Variants in TSPAN15 observed in about 807,000 individuals in gnomAD.
TSPAN15 encodes the protein tetraspanin 15.
In TSPAN15, 20 loss-of-function variants were observed where a neutral mutation model predicts 34.5. The ratio of observed to expected loss-of-function variants is 0.58; its 90% confidence interval spans 0.41 to 0.84. TSPAN15 has a LOEUF of 0.84. Ranked by LOEUF, TSPAN15 falls within the 40% of genes least tolerant of loss-of-function variation. TSPAN15 has a pLI of 0.00. For synonymous variants in TSPAN15, 155 were observed against 153.9 expected, an observed-to-expected ratio of 1.01 and a Z score of -0.05; for missense variants, 313 against 386.1, an observed-to-expected ratio of 0.81 and a Z score of 1.59.
chr10:69,470,621 C>T (rs1487915604), intron 1 of TSPAN15, among the ~76,000 whole-genome samples: 1 of 152,128 alleles, frequency 6.6e-6, no homozygotes, highest in Non-Finnish European at 1.5e-5. Flanking sequence ...AGATCACAGC[C>T]AGGCATGGTG....
chr10:69,530,816 C>CTATATA, the TSPAN15 span, among the ~76,000 whole-genome samples: 3 of 52,410 alleles, frequency 5.7e-5, no homozygotes, highest in Non-Finnish European at 1.1e-4. Flanking sequence ...CTCTCTCTCT[C>CTATATA]TCTCTATATA....
the TSPAN15 span, among the ~76,000 whole-genome samples, chr10:69,548,921 G>T: frequency 2.7e-5 from 4 of 149,834 alleles, no homozygotes; most frequent in Non-Finnish European, 6.0e-5. Context: ...ATATTTCAAT[G>T]GTGGGGCTAA....
intron 1 of TSPAN15, among the ~76,000 whole-genome samples, chr10:69,456,429 CT>C (rs1841111463): frequency 6.6e-6 from 1 of 151,912 alleles, no homozygotes; most frequent in Non-Finnish European, 1.5e-5. Context: ...CTTTTTTTCC[CT>C]TTTTTAAAGT....
At chr10:69,533,274 T>C in the TSPAN15 span, among the ~76,000 whole-genome samples, 52 of 152,236 alleles carry the variant, frequency 3.4e-4, no homozygotes, top group African/African-American at 1.2e-3. Context: ...CAAATGCCCA[T>C]CAATCAATGA....
rs747180568 is a variant in TSPAN15 at position 69,451,699 on chromosome 10, C to T, written c.96+9C>T. ...ATTCCACCGTGTTCTGGGTGAGTGA[C>T]CCCAGTAGGGCCCGGGGATGGGGGT... On this transcript the variant is annotated intron_variant, in intron 1 of 7. Coordinates refer to ENST00000373290, the MANE Select transcript of TSPAN15 (RefSeq NM_012339.5). The T allele has an allele frequency of 1.4e-6, 2 of 1,480,356 alleles. No individual in the cohort carries two copies. The highest frequency in any genetic ancestry group is 1.4e-5 in the South Asian group (1 of 73,986). The allele number at this position is 1,480,356 out of a possible 1,614,324, so 91.7% of individuals were successfully genotyped here. A position where few individuals can be genotyped will look rare whatever the true frequency, so the allele number is the denominator to read the frequency against.
the TSPAN15 span, among the ~76,000 whole-genome samples, chr10:69,524,626 G>A: frequency 7.5e-6 from 1 of 133,232 alleles, no homozygotes; most frequent in African/African-American, 2.8e-5. Flanking sequence ...GCTACAAACA[G>A]AACTTGCAAA....
chr10:69,535,610 T>G, the TSPAN15 span, among the ~76,000 whole-genome samples: 1 of 152,202 alleles, frequency 6.6e-6, no homozygotes, highest in Non-Finnish European at 1.5e-5. Context: ...AAATAGAATA[T>G]CTGGTGTGAT....
chr10:69,505,020 G>A (rs776733300), intron 6 of TSPAN15, among the ~76,000 whole-genome samples: 35 of 152,156 alleles, frequency 2.3e-4, no homozygotes, highest in Non-Finnish European at 4.1e-4. Context: ...CATCCCCTAG[G>A]AATGTGAGAA....
intron 5 of TSPAN15, among the ~76,000 whole-genome samples, chr10:69,499,080 C>A (rs1842149202): frequency 6.6e-6 from 1 of 152,228 alleles, no homozygotes. Flanking sequence ...TCACCTTGGT[C>A]ATTTGGGATG....
chr10:69,484,063 A>G (rs940681403), intron 2 of TSPAN15, 187 bp downstream of exon 2: 1 of 542,388 alleles, frequency 1.8e-6, no homozygotes, highest in Non-Finnish European at 3.2e-6. Context: ...TCCTGCATGT[A>G]AAAGCTGATT....
chr10:69,525,798 G>A, the TSPAN15 span, among the ~76,000 whole-genome samples: 2 of 136,104 alleles, frequency 1.5e-5, 1 homozygote, highest in Non-Finnish European at 3.1e-5. Flanking sequence ...TCCAGCCTGG[G>A]AGACAGAGCA....
chr10:69,537,853 G>A, the TSPAN15 span, among the ~76,000 whole-genome samples: 1 of 152,012 alleles, frequency 6.6e-6, no homozygotes, highest in African/African-American at 2.4e-5. Context: ...GGTGGGGACT[G>A]GGAATTGTCT....
At chr10:69,530,458 A>G in the TSPAN15 span, among the ~76,000 whole-genome samples, 2 of 147,836 alleles carry the variant, frequency 1.4e-5, 1 homozygote, top group Non-Finnish European at 3.0e-5. Context: ...CCAAAATATT[A>G]TAGACCTAAA....
At chr10:69,494,383 C>T (rs1842033486) in intron 3 of TSPAN15, among the ~76,000 whole-genome samples, 2 of 152,224 alleles carry the variant, frequency 1.3e-5, no homozygotes, top group African/African-American at 2.4e-5. Context: ...TCCTGCTAAA[C>T]ACCTTCACAG....
In TSPAN15 at chr10:69,506,086, G is replaced by C. The variant is rs780264174; in HGVS notation, c.619-38G>C. On this transcript the variant is annotated intron_variant, in intron 6 of 7. Coordinates refer to ENST00000373290, the MANE Select transcript of TSPAN15 (RefSeq NM_012339.5). This position sits in a 1 kb window ranked among gnomAD's most constrained non-coding sequence, Gnocchi z 4.7. Reference sequence around the variant, plus strand: ...CGGGGCTGTGGCTCCTGCCAGCCGAGGTCCTCTGCTGGGCTGACCCAGCTC... The same window carrying C: ...CGGGGCTGTGGCTCCTGCCAGCCGACGTCCTCTGCTGGGCTGACCCAGCTC... The C allele has an allele frequency of 4.0e-5, 63 of 1,584,474 alleles. No individual in the cohort carries two copies. Among genetic ancestry groups the C allele is most frequent in the Non-Finnish European group, 5.2e-5 (60 of 1,155,340 alleles).
chr10:69,529,842 C>T, the TSPAN15 span, among the ~76,000 whole-genome samples: 18,573 of 146,176 alleles, frequency 0.13, 2,918 homozygotes, highest in East Asian at 0.25. Context: ...CCTCACCCCC[C>T]TCCCACCCTT....
chr10:69,515,644 A>G, the TSPAN15 span, among the ~76,000 whole-genome samples: 1 of 152,222 alleles, frequency 6.6e-6, no homozygotes, highest in Non-Finnish European at 1.5e-5. Context: ...CTGGGGCCTG[A>G]GAAGCACCTG....
chr10:69,469,810 CT>C (rs1317576446), intron 1 of TSPAN15, among the ~76,000 whole-genome samples: 8 of 152,104 alleles, frequency 5.3e-5, no homozygotes, highest in African/African-American at 1.9e-4. Flanking sequence ...TCCCAGAGTG[CT>C]AGGATTACAA....
At chr10:69,461,228 T>C (rs1303498707) in intron 1 of TSPAN15, among the ~76,000 whole-genome samples, 1 of 152,212 alleles carries the variant, frequency 6.6e-6, no homozygotes, top group Non-Finnish European at 1.5e-5. Flanking sequence ...GGAAGTAACT[T>C]GTGTGAGAAC....
Sources: gnomAD v4.1 joint callset for allele counts (sites outside exome capture counted in the v4.1 genomes callset) on GRCh38, gnomAD v4.1.1 for gene constraint, Gnocchi (gnomAD v3.1) non-coding constraint, MANE v1.5 for transcripts, NCBI Gene and HGNC (gene_info 2026-07-23, HGNC 2026-07-21) for gene names.